Variants in ZNF417 observed in about 807,000 individuals in gnomAD.
The protein encoded by ZNF417 is zinc finger protein 417.
In ZNF417, 5 loss-of-function variants were observed where a neutral mutation model predicts 7.4. The ratio of observed to expected loss-of-function variants is 0.68; its 90% confidence interval spans 0.35 to 1.43. ZNF417 has a LOEUF of 1.43. ZNF417 is among the 40% of genes most tolerant of loss of function. The pLI is 0.04. For missense variants in ZNF417, 437 were observed against 697.3 expected (o/e 0.63, Z 4.20); for synonymous variants, 147 against 239.1 (o/e 0.61, Z 3.55).
chr19:57,915,591 C>T (rs1383508019), intron 1 of ZNF417: 1 of 387,266 alleles, frequency 2.6e-6, no homozygotes. Context: ...TGCTTCCAAC[C>T]TTTCAGCTGT....
At chr19:57,910,908 G>A (rs137928121) in intron 2 of ZNF417, among the ~76,000 whole-genome samples, 148 of 152,268 alleles carry the variant, frequency 9.7e-4, no homozygotes, top group African/African-American at 3.3e-3. Context: ...AGCTAGGTGT[G>A]GTGGTGCAGG....
In ZNF417 at chr19:57,908,425, A is replaced by G. The variant is rs372092250; in HGVS notation, c.*125T>C. 84 of 1,546,756 alleles carry G rather than the reference A, an allele frequency of 5.4e-5. No homozygotes were observed. In the African/African-American group the frequency reaches 6.1e-4, roughly 11 times the overall value. On this transcript the variant is annotated 3_prime_UTR_variant, in exon 3 of 3. Coordinates refer to ENST00000312026, the MANE Select transcript of ZNF417 (RefSeq NM_152475.3). ...TTCCAATGCGAAGTCTCTTAAGACC[A>G]AGGAGAGCAGACATTCTGATGTTTC...
In ZNF417 at chr19:57,916,509, A is replaced by T; in HGVS notation, c.-98T>A. ...CGAGGACGATTCCTCTCCACCTTCT[A>T]GGTTCAGTCACCGCGGTCCCCCCCC... On this transcript the variant is annotated 5_prime_UTR_variant, in exon 1 of 3. Transcript: ENST00000312026. The T allele has an allele frequency of 3.1e-6, 5 of 1,598,356 alleles. No individual in the cohort carries two copies. Among genetic ancestry groups the T allele is most frequent in the East Asian group, 2.2e-5 (1 of 44,494 alleles).
chr19:57,906,732 G>A lies in ZNF417; in HGVS notation c.*1818C>T. The A allele has an allele frequency of 1.1e-5, 1 of 91,222 alleles. No individual in the cohort carries two copies. The highest frequency in any genetic ancestry group is 4.5e-5 in the African/African-American group (1 of 22,454). The allele number at this position is 91,222 out of a possible 1,614,324, so 5.7% of individuals were successfully genotyped here. A position where few individuals can be genotyped will look rare whatever the true frequency, so the allele number is the denominator to read the frequency against. Reference sequence around the variant, plus strand: ...GCCGAGACCATGCCATTGCACTTCAGCCTGGGTGACAGAGTGAGACTCTGT... The same window carrying A: ...GCCGAGACCATGCCATTGCACTTCAACCTGGGTGACAGAGTGAGACTCTGT... On this transcript the variant is annotated 3_prime_UTR_variant, in exon 3 of 3. Coordinates refer to ENST00000312026, the MANE Select transcript of ZNF417 (RefSeq NM_152475.3).
chr19:57,908,986 G>A lies in ZNF417; in HGVS notation c.1292C>T (p.Thr431Ile), dbSNP rs147835837. Reference sequence around the variant, plus strand: ...CCTACAATTGTAAGGTCTTTCCCCAGTGTGAAGTCTCTGGTGTTCAGTGAG... The same window carrying A: ...CCTACAATTGTAAGGTCTTTCCCCAATGTGAAGTCTCTGGTGTTCAGTGAG... ...SHLTEHQRLH[T>I]GERPYNCREC... Residue 431 changes from threonine to isoleucine, a missense_variant, in exon 3 of 3, where the codon ACT becomes ATT. Transcript: ENST00000312026. 7.8e-4 allele frequency: 1,253 copies of A among 1,613,960 alleles called. 2 individuals carry two copies. Among genetic ancestry groups the A allele is most frequent in the Admixed American group, 1.2e-3 (69 of 59,984 alleles).
rs1568526921 is a variant in ZNF417 at position 57,906,637 on chromosome 19, T to G, written c.*1913A>C. Reference sequence around the variant, plus strand: ...TTAGGTGGGCGTGGTGGAGGGAACCTATAGGCCCAGCTACTTGGGAGGCTG... The same window carrying G: ...TTAGGTGGGCGTGGTGGAGGGAACCGATAGGCCCAGCTACTTGGGAGGCTG... On this transcript the variant is annotated 3_prime_UTR_variant, in exon 3 of 3. Transcript: ENST00000312026. Among the ~76,000 whole-genome samples the G allele has an allele frequency of 6.7e-6, 1 of 148,514 alleles. No individual in the cohort carries two copies. The highest frequency in any genetic ancestry group is 1.5e-5 in the Non-Finnish European group (1 of 67,114).
In ZNF417 at chr19:57,908,922, G is replaced by C. The variant is rs201296582; in HGVS notation, c.1356C>G (p.Leu452=). The change falls in exon 3 of 3, where the codon CTC becomes CTG. Residue 452 remains leucine, a synonymous_variant. Transcript: ENST00000312026. ...GKLFNRKYHL[L]VHERVHTGER... is the part of the protein sequence containing the mutation. Reference sequence around the variant, plus strand: ...CTCCAGTGTGAACTCTCTCATGAACGAGAAGATGATACTTCCTGTTAAATA... The same window carrying C: ...CTCCAGTGTGAACTCTCTCATGAACCAGAAGATGATACTTCCTGTTAAATA... The C allele has an allele frequency of 2.9e-3, 4,661 of 1,608,926 alleles. 159 individuals carry two copies. In the Admixed American group the frequency reaches 0.054, roughly 19 times the overall value.
rs764168374 is a variant in ZNF417 at position 57,908,728 on chromosome 19, T to C, written c.1550A>G (p.Gln517Arg). The C allele has an allele frequency of 1.9e-6, 3 of 1,614,070 alleles. No individual in the cohort carries two copies. Among genetic ancestry groups the C allele is most frequent in the South Asian group, 1.1e-5 (1 of 91,092 alleles). Residue 517 changes from glutamine (Q) to arginine (R), a missense_variant, in exon 3 of 3, where the codon CAA becomes CGA. Transcript: ENST00000312026. ...LHVHKRVHSG[Q>R]KPYKCSECGK... is the part of the protein sequence containing the mutation. ...ACATTCACTGCACTTATAAGGCTTT[T>C]GTCCAGAATGAACTCTTTTATGAAC...
intron 1 of ZNF417, among the ~76,000 whole-genome samples, chr19:57,913,350 A>G (rs2071916679): frequency 6.6e-6 from 1 of 152,206 alleles, no homozygotes; most frequent in African/African-American, 2.4e-5. Flanking sequence ...CTCCATAGCC[A>G]CACAGAACCA....
At chr19:57,914,978 C>T (rs2071934742) in intron 1 of ZNF417, among the ~76,000 whole-genome samples, 3 of 152,176 alleles carry the variant, frequency 2.0e-5, no homozygotes, top group Admixed American at 2.0e-4. Context: ...GGGGATTGAA[C>T]ACCCTCCACT....
chr19:57,910,267 C>T (rs1394130843), intron 2 of ZNF417, among the ~76,000 whole-genome samples, 153 bp from the exon 3 acceptor site: 1 of 152,146 alleles, frequency 6.6e-6, no homozygotes, highest in East Asian at 1.9e-4. Flanking sequence ...GGCTGCTGGC[C>T]GGGCGCAGTG....
chr19:57,913,326 G>A (rs1027657818), intron 1 of ZNF417, among the ~76,000 whole-genome samples: 6 of 152,252 alleles, frequency 3.9e-5, no homozygotes, highest in East Asian at 1.9e-4. Flanking sequence ...TCCTGTGAAC[G>A]TCTCCCGGAA....
In ZNF417 at chr19:57,906,517, C is replaced by T. The variant is rs1165850353; in HGVS notation, c.*2033G>A. On this transcript the variant is annotated 3_prime_UTR_variant, in exon 3 of 3. Coordinates refer to ENST00000312026, the MANE Select transcript of ZNF417 (RefSeq NM_152475.3). ...GTGGCAGATGCCTGTAATCCCAGCA[C>T]TTTAGGAGGCTGAGGGGGGTGGATC... Among the ~76,000 whole-genome samples, 3 of 151,856 alleles carry T rather than the reference C, an allele frequency of 2.0e-5. No individual in the cohort carries two copies. Among genetic ancestry groups the T allele is most frequent in the Non-Finnish European group, 2.9e-5 (2 of 67,994 alleles).
chr19:57,916,271 C>T, intron 1 of ZNF417, 108 bp downstream of exon 1: 1 of 1,599,076 alleles, frequency 6.3e-7, no homozygotes, highest in Non-Finnish European at 8.5e-7. Flanking sequence ...CTCAGTGTTC[C>T]TACGCCGGGT....
rs981668155 is a variant in ZNF417, at chr19:57,906,247, G to T, written c.*2303C>A. Among the ~76,000 whole-genome samples the T allele has an allele frequency of 6.6e-6, 1 of 152,124 alleles. No homozygotes were observed. Among genetic ancestry groups the T allele is most frequent in the African/African-American group, 2.4e-5 (1 of 41,424 alleles). On this transcript the variant is annotated 3_prime_UTR_variant, in exon 3 of 3. Transcript: ENST00000312026. ...CCTATGTTGATTAAAAATCATCAAA[G>T]ATCTTTCCAGTGAGAAGGATGAAAA...
At position 57,907,340 on chromosome 19, in the gene ZNF417, A is replaced by C. The variant is rs1044995848; in HGVS notation, c.*1210T>G. On this transcript the variant is annotated 3_prime_UTR_variant, in exon 3 of 3. Transcript: ENST00000312026. ...AAAAAACACAAACACATATGTAAAA[A>C]ATGTTATAAAGACATTAAGTGTCCA... The C allele has an allele frequency of 3.9e-5, 6 of 153,162 alleles. No individual in the cohort carries two copies. The highest frequency in any genetic ancestry group is 7.3e-5 in the Non-Finnish European group (5 of 68,216). The allele number at this position is 153,162 out of a possible 1,614,324, so 9.5% of individuals were successfully genotyped here.
Position 57,906,607 on chromosome 19 carries a change from A to G in ZNF417, c.*1943T>C, listed in dbSNP as rs2122507902. ...GAAAGCCCATCTCTACTAAAAATACAAAAATTAGGTGGGCGTGGTGGAGGG... is the reference window on the plus strand; with the variant it reads ...GAAAGCCCATCTCTACTAAAAATACGAAAATTAGGTGGGCGTGGTGGAGGG... On this transcript the variant is annotated 3_prime_UTR_variant, in exon 3 of 3. Coordinates refer to ENST00000312026, the MANE Select transcript of ZNF417 (RefSeq NM_152475.3). Among the ~76,000 whole-genome samples, 1 of 150,620 alleles carries G rather than the reference A, an allele frequency of 6.6e-6. No homozygotes were observed. The highest frequency in any genetic ancestry group is 2.0e-4 in the East Asian group (1 of 4,974).
Position 57,909,437 on chromosome 19 carries a change from T to A in ZNF417, c.841A>T (p.Ser281Cys), listed in dbSNP as rs200747296. 91 of 1,613,850 alleles carry A rather than the reference T, an allele frequency of 5.6e-5. No individual in the cohort carries two copies. The highest frequency in any genetic ancestry group is 7.3e-5 in the Non-Finnish European group (86 of 1,179,914). ...GECGKSYSRK[S>C]SLIQHQRVHT... is the part of the protein sequence containing the mutation. ...ACTCGCTGATGTTGAATAAGGCTGCTCTTTCGACTATAAGATTTCCCACAC... is the reference window on the plus strand; with the variant it reads ...ACTCGCTGATGTTGAATAAGGCTGCACTTTCGACTATAAGATTTCCCACAC... Residue 281 changes from serine to cysteine, a missense_variant, in exon 3 of 3, where the codon AGC (serine) becomes TGC (cysteine). Ser to Cys is a moderately radical substitution (Grantham distance 112). Around this residue, in one of 5 missense-constraint regions of ZNF417, gnomAD observed 34 missense variants for 33.3 expected, o/e 1.02. Transcript: ENST00000312026.
intron 1 of ZNF417, 134 bp downstream of exon 1, chr19:57,916,245 C>T (rs1331566808): frequency 1.3e-6 from 2 of 1,533,634 alleles, no homozygotes; most frequent in Non-Finnish European, 1.8e-6. Context: ...TACACAGGGA[C>T]CCCTCCTGCG....
Sources: allele counts gnomAD v4.1 joint callset (sites outside exome capture counted in the v4.1 genomes callset), GRCh38; gene constraint gnomAD v4.1.1; regional missense constraint gnomAD v4.1.1; transcripts MANE v1.5; gene names NCBI Gene and HGNC (gene_info 2026-07-23, HGNC 2026-07-21).